Variants in ALDH1L1 observed in about 807,000 individuals in gnomAD.
The protein encoded by ALDH1L1 is cytosolic 10-formyltetrahydrofolate dehydrogenase.
Under a neutral mutation model 101.1 loss-of-function variants are expected in ALDH1L1, and 68 were observed. The ratio of observed to expected loss-of-function variants is 0.67; its 90% CI spans 0.55 to 0.82. The LOEUF (loss-of-function observed/expected upper bound fraction) is 0.82. Ranked by LOEUF, ALDH1L1 falls within the 40% of genes least tolerant of loss-of-function variation. The pLI is 0.00. For synonymous variants in ALDH1L1, 486 were observed against 470.8 expected (o/e 1.03, Z -0.42); for missense variants, 1,087 against 1,172.7 (o/e 0.93, Z 1.07).
At position 126,114,957 on chromosome 3, in the gene ALDH1L1, G is replaced by A. The variant is rs528350398; in HGVS notation, c.1983-301C>T. On this transcript the variant is annotated intron_variant, in intron 17 of 22. Coordinates refer to ENST00000393434, the MANE Select transcript of ALDH1L1 (RefSeq NM_012190.4). ...CCTTCTCTGGGGTGCCTCCCTGATC[G>A]CCCCGTATAAAACCACAGCCTGCCT... is the stretch of plus-strand genomic sequence containing the variant. 602 of 490,592 alleles carry A rather than the reference G, an allele frequency of 1.2e-3. 2 individuals are homozygous for A. Among genetic ancestry groups the A allele is most frequent in the Middle Eastern group, 6.4e-3 (21 of 3,268 alleles). The allele number at this position is 490,592 out of a possible 1,614,324, so 30.4% of individuals were successfully genotyped here. A position where few individuals can be genotyped will look rare whatever the true frequency, so the allele number is the denominator to read the frequency against.
chr3:126,178,821 A>T (rs894366658), intron 1 of ALDH1L1, among the ~76,000 whole-genome samples: 1 of 152,134 alleles, frequency 6.6e-6, no homozygotes, highest in African/African-American at 2.4e-5. Flanking sequence ...AAGAATTTAC[A>T]CTGAAATGTT....
intron 1 of ALDH1L1, among the ~76,000 whole-genome samples, chr3:126,190,671 T>C (rs1166300117): frequency 1.3e-5 from 2 of 152,242 alleles, no homozygotes; most frequent in Non-Finnish European, 2.9e-5. Context: ...GGGCATTCCC[T>C]TGATACTCAG....
chr3:126,118,613 G>A (rs1346701155), intron 16 of ALDH1L1, among the ~76,000 whole-genome samples: 2 of 152,088 alleles, frequency 1.3e-5, no homozygotes, highest in Non-Finnish European at 2.9e-5. Context: ...TGACATGGTA[G>A]CCCAAGCAAA....
chr3:126,154,506 G>A (rs1365543398), intron 6 of ALDH1L1, 48 bp downstream of exon 6: 1 of 1,560,688 alleles, frequency 6.4e-7, no homozygotes, highest in Non-Finnish European at 8.8e-7. Flanking sequence ...AATGGCCAGT[G>A]GGATACACCA....
chr3:126,132,130 C>T (rs865844889), intron 12 of ALDH1L1, among the ~76,000 whole-genome samples: 53 of 152,360 alleles, frequency 3.5e-4, no homozygotes, highest in Admixed American at 1.7e-3. Flanking sequence ...TTGATTCTGA[C>T]GGATGTGCAG....
intron 1 of ALDH1L1, among the ~76,000 whole-genome samples, chr3:126,168,581 C>T (rs4679209): frequency 0.44 from 66,827 of 151,870 alleles, 14,883 homozygotes; most frequent in Middle Eastern, 0.54. Context: ...AATTCTATTT[C>T]ATAATATCGA....
chr3:126,161,237 A>G (rs1365986407), intron 1 of ALDH1L1, among the ~76,000 whole-genome samples: 2 of 152,238 alleles, frequency 1.3e-5, no homozygotes, highest in Admixed American at 1.3e-4. Context: ...ACAGCAGGTG[A>G]GCTGGAAATG....
chr3:126,183,886 T>G (rs565356866), upstream of ALDH1L1, among the ~76,000 whole-genome samples: 3 of 152,184 alleles, frequency 2.0e-5, no homozygotes, highest in South Asian at 6.2e-4. Context: ...TACAGTGGGA[T>G]GAGGCTTTGA....
chr3:126,181,181 C>T (rs1447990482), upstream of ALDH1L1: 7 of 637,548 alleles, frequency 1.1e-5, no homozygotes, highest in African/African-American at 1.8e-5. Flanking sequence ...GTCCTGGTGC[C>T]GCAGACCCCT....
In ALDH1L1 at chr3:126,153,453, A is replaced by G; in HGVS notation, c.849T>C (p.Asp283=). 1 of 1,613,926 alleles carries G rather than the reference A, an allele frequency of 6.2e-7. No individual in the cohort carries two copies. Among genetic ancestry groups the G allele is most frequent in the Non-Finnish European group, 8.5e-7 (1 of 1,180,034 alleles). The change falls in exon 7 of 23, where the codon GAT becomes GAC. Residue 283 remains aspartate (D), a synonymous_variant. Transcript: ENST00000393434. ...ACAGCCGTGCCCTTACCATTTTGTC[A>G]TCATTCCCAAAGAGGATGAGTCCTG... ...TKAGLILFGN[D]DKMLLVKNIQ...
chr3:126,109,137 C>T (rs1421615084), intron 20 of ALDH1L1, among the ~76,000 whole-genome samples: 1 of 152,224 alleles, frequency 6.6e-6, no homozygotes. Context: ...GGGATTCCTT[C>T]TTTCCTTCCC....
intron 1 of ALDH1L1, among the ~76,000 whole-genome samples, chr3:126,196,730 G>A (rs1438181627): frequency 6.6e-6 from 1 of 152,202 alleles, no homozygotes; most frequent in Non-Finnish European, 1.5e-5. Flanking sequence ...GAAGATTTAA[G>A]AAGGGAAGCT....
chr3:126,177,914 G>A (rs780776871), intron 1 of ALDH1L1, among the ~76,000 whole-genome samples: 3 of 152,086 alleles, frequency 2.0e-5, no homozygotes, highest in African/African-American at 4.8e-5. Context: ...GCATGGTGGT[G>A]CACCTGTAAT....
intron 1 of ALDH1L1, among the ~76,000 whole-genome samples, chr3:126,188,112 C>A (rs1410439112): frequency 2.0e-5 from 3 of 152,202 alleles, no homozygotes; most frequent in Non-Finnish European, 4.4e-5. Context: ...AAGCAGCCGG[C>A]TGCCTGTTAC....
chr3:126,180,693 T>A (rs1362306220), upstream of ALDH1L1: 5 of 1,382,742 alleles, frequency 3.6e-6, no homozygotes, highest in Non-Finnish European at 4.7e-6. Context: ...GTGGTGGGAC[T>A]ATGGCGGGAG....
At chr3:126,104,109 A>T in intron 22 of ALDH1L1, 1 of 552,630 alleles carries the variant, frequency 1.8e-6, no homozygotes, top group Non-Finnish European at 3.2e-6. Context: ...CCTTGTCTGG[A>T]CAGTGGGAAG....
chr3:126,188,323 C>A (rs1484021691), intron 1 of ALDH1L1, among the ~76,000 whole-genome samples: 3 of 152,134 alleles, frequency 2.0e-5, no homozygotes, highest in African/African-American at 7.2e-5. Flanking sequence ...TGCAAAGGGC[C>A]AACTTTTCGT....
chr3:126,121,419 C>A (rs1233021773), intron 16 of ALDH1L1, among the ~76,000 whole-genome samples: 1 of 152,126 alleles, frequency 6.6e-6, no homozygotes, highest in Non-Finnish European at 1.5e-5. Flanking sequence ...AAAAAAACAA[C>A]TTGGCAATTG....
At chr3:126,157,616 G>C in intron 3 of ALDH1L1, 108 bp from the exon 4 acceptor site, 1 of 1,275,632 alleles carries the variant, frequency 7.8e-7, no homozygotes, top group Non-Finnish European at 1.1e-6. Context: ...TCTCTTCCCA[G>C]GGGTAGGACT....
Sources: allele counts gnomAD v4.1 joint callset (sites outside exome capture counted in the v4.1 genomes callset), GRCh38; gene constraint gnomAD v4.1.1; transcripts MANE v1.5; gene names NCBI Gene and HGNC (gene_info 2026-07-23, HGNC 2026-07-21).